The following SERGEF variants were observed in gnomAD, a reference collection of about 807,000 sequenced individuals.
SERGEF encodes secretion-regulating guanine nucleotide exchange factor.
SERGEF carries 51 observed loss-of-function variants against 50.0 expected under a neutral mutation model. The ratio of observed to expected loss-of-function variants is 1.02; its 90% CI spans 0.81 to 1.29. The LOEUF (loss-of-function observed/expected upper bound fraction) is 1.29, where lower values mean the gene tolerates loss of function less well. Among genes scored for constraint, SERGEF ranks in the 50% most tolerant of loss-of-function variants. The probability of loss-of-function intolerance (pLI) is 0.00; values close to 1 mark genes in which losing one functional copy is unlikely to be tolerated. For synonymous variants in SERGEF, 205 were observed against 212.4 expected, an observed-to-expected ratio of 0.97 and a Z score of 0.30; for missense variants, 521 against 557.0, an observed-to-expected ratio of 0.94 and a Z score of 0.65.
At chr11:17,802,597 G>A (rs902219525) in intron 10 of SERGEF, among the ~76,000 whole-genome samples, 2 of 152,128 alleles carry the variant, frequency 1.3e-5, no homozygotes, top group Admixed American at 6.5e-5. Context: ...GCTGCCACTC[G>A]CGTCCTCACC....
At chr11:17,973,024 G>T (rs1320172895) in intron 8 of SERGEF, among the ~76,000 whole-genome samples, 1 of 151,856 alleles carries the variant, frequency 6.6e-6, no homozygotes, top group Non-Finnish European at 1.5e-5. Flanking sequence ...AAAGAAAAAA[G>T]GCCAAGCACT....
At chr11:17,961,946 T>C (rs528775970) in intron 8 of SERGEF, among the ~76,000 whole-genome samples, 1 of 152,368 alleles carries the variant, frequency 6.6e-6, no homozygotes, top group African/African-American at 2.4e-5. Context: ...TCATTGACGC[T>C]GGCTCAATCC....
In SERGEF at chr11:18,006,682, C is replaced by T. The variant is rs1854081653; in HGVS notation, c.261G>A (p.Glu87=). 1 of 1,614,142 alleles carries T rather than the reference C, an allele frequency of 6.2e-7. No individual in the cohort carries two copies. Residue 87 remains glutamate (E), a synonymous_variant, in exon 3 of 11, where the codon GAG becomes GAA. Coordinates refer to ENST00000265965, the MANE Select transcript of SERGEF (RefSeq NM_012139.4). ...KDGQLGLGHT[E]DIPYFTPCKS... ...TGCAGGGGGTAAAATATGGGATATC[C>T]TCTGTGTGACCAAGCCCCAGTTGCC...
intron 10 of SERGEF, among the ~76,000 whole-genome samples, chr11:17,850,586 C>T (rs544424288): frequency 6.6e-6 from 1 of 152,310 alleles, no homozygotes; most frequent in Non-Finnish European, 1.5e-5. Flanking sequence ...ACAGCTCCTT[C>T]TAGCATCAGA....
At chr11:17,853,632 G>A (rs1304914774) in intron 10 of SERGEF, 1 of 152,116 alleles carries the variant, frequency 6.6e-6, no homozygotes, top group Non-Finnish European at 1.5e-5. Context: ...TCCTATTGAG[G>A]ACTCAACCTT....
chr11:17,967,832 C>A (rs1853157185), intron 8 of SERGEF, among the ~76,000 whole-genome samples: 1 of 152,222 alleles, frequency 6.6e-6, no homozygotes, highest in African/African-American at 2.4e-5. Context: ...TGCTCTGCCC[C>A]CAGCTCACAA....
rs530899344 is a variant in SERGEF at position 17,879,604 on chromosome 11, G to A, written c.1012-1360C>T. On this transcript the variant is annotated intron_variant, in intron 9 of 10. Coordinates refer to ENST00000265965, the MANE Select transcript of SERGEF (RefSeq NM_012139.4). ...ATTCCTTATTGAATGAGATCATGTG[G>A]TATTTGTCTGTCTGTGCTTGACTTA... Among the ~76,000 whole-genome samples, 7 of 152,216 alleles carry A rather than the reference G, an allele frequency of 4.6e-5. No homozygotes were observed. In the South Asian group the frequency reaches 1.5e-3, roughly 32 times the overall value.
chr11:17,985,143 G>A (rs1853567592), intron 8 of SERGEF, among the ~76,000 whole-genome samples: 1 of 152,102 alleles, frequency 6.6e-6, no homozygotes, highest in Admixed American at 6.5e-5. Flanking sequence ...GAGCTTTCAG[G>A]CTAGTAGTCT....
chr11:17,917,381 A>G (rs1852068722), intron 9 of SERGEF, among the ~76,000 whole-genome samples: 1 of 152,220 alleles, frequency 6.6e-6, no homozygotes, highest in African/African-American at 2.4e-5. Flanking sequence ...ATGCAAAGGC[A>G]TAAGAATGAC....
At chr11:17,904,254 G>A (rs1851799426) in intron 9 of SERGEF, among the ~76,000 whole-genome samples, 1 of 152,232 alleles carries the variant, frequency 6.6e-6, no homozygotes, top group South Asian at 2.1e-4. Flanking sequence ...CAGAAGTGAA[G>A]TCCTCAAGGA....
Position 17,788,279 on chromosome 11 carries a change from G to A in SERGEF, c.1183C>T (p.His395Tyr). 2 of 1,614,180 alleles carry A rather than the reference G, an allele frequency of 1.2e-6. No homozygotes were observed. The highest frequency in any genetic ancestry group is 1.7e-6 in the Non-Finnish European group (2 of 1,180,032). The part of the protein sequence containing the change: ...SGLLVGCGAG[H>Y]SLALCQLPAH... ...GGCAGCTGGCAGAGGGCCAAGGAGT[G>A]GCCAGCCCCACAGCCCACAAGGAGT... The change falls in exon 11 of 11, where the codon CAC becomes TAC. Residue 395 changes from histidine to tyrosine, a missense_variant. By Grantham distance (83) the His-to-Tyr change is moderately conservative. Coordinates refer to ENST00000265965, the MANE Select transcript of SERGEF (RefSeq NM_012139.4).
rs1036433311 is a variant in SERGEF, at chr11:17,884,798, G to T, written c.1012-6554C>A. 1.3e-5 allele frequency among the ~76,000 whole-genome samples: 2 copies of T among 152,278 alleles called. No individual in the cohort carries two copies. The highest frequency in any genetic ancestry group is 6.8e-3 in the Middle Eastern group (2 of 294). ...TGTGAAAAAAATGAGCTTGAACTAG[G>T]TTCTGCTATCTTCCAGAGAAGTTGG... On this transcript the variant is annotated intron_variant, in intron 9 of 10. Transcript: ENST00000265965. The surrounding 1 kb of genome is among the most constrained non-coding windows in gnomAD (Gnocchi z 4.6).
chr11:17,968,100 G>A (rs1425695869), intron 8 of SERGEF, among the ~76,000 whole-genome samples: 1 of 152,168 alleles, frequency 6.6e-6, no homozygotes, highest in Admixed American at 6.6e-5. Flanking sequence ...CCACTGAAGG[G>A]TGAAGAACAA....
intron 10 of SERGEF, among the ~76,000 whole-genome samples, chr11:17,857,934 T>C (rs1590160107): frequency 6.6e-6 from 1 of 151,540 alleles, no homozygotes; most frequent in East Asian, 1.9e-4. Flanking sequence ...AAAAGAGGAA[T>C]AGAAGAAGAA....
chr11:17,813,396 A>C (rs1380704355), intron 10 of SERGEF, among the ~76,000 whole-genome samples: 2 of 152,212 alleles, frequency 1.3e-5, no homozygotes, highest in Non-Finnish European at 2.9e-5. Flanking sequence ...CCAGTCTTCT[A>C]ATTCTTGGTC....
chr11:17,977,013 T>C (rs1853391205), intron 8 of SERGEF, among the ~76,000 whole-genome samples: 3 of 152,148 alleles, frequency 2.0e-5, no homozygotes, highest in African/African-American at 7.2e-5. Context: ...TCCAAGAAGG[T>C]AGGAAGAGGG....
intron 9 of SERGEF, among the ~76,000 whole-genome samples, chr11:17,954,371 CTGGAAACTTCCAGGTTCATTAA>C (rs1363620102): frequency 6.6e-6 from 1 of 152,162 alleles, no homozygotes; most frequent in Non-Finnish European, 1.5e-5. Flanking sequence ...CAAAGACGCC[CTGGAAACTTCCAGGTTCATTAA>C]TGGGTTTTAC....
At chr11:17,801,670 G>T (rs1458782204) in intron 10 of SERGEF, among the ~76,000 whole-genome samples, 1 of 152,152 alleles carries the variant, frequency 6.6e-6, no homozygotes, top group Admixed American at 6.5e-5. Context: ...AGATGTAAGT[G>T]CCTATTAGAC....
intron 5 of SERGEF, among the ~76,000 whole-genome samples, chr11:17,997,241 T>C (rs1275807954): frequency 1.3e-5 from 2 of 152,150 alleles, no homozygotes; most frequent in Non-Finnish European, 2.9e-5. Context: ...AGGATTTGAA[T>C]AGACATTTCT....
Sources: gnomAD v4.1 joint callset for allele counts (sites outside exome capture counted in the v4.1 genomes callset) on GRCh38, gnomAD v4.1.1 for gene constraint, Gnocchi (gnomAD v3.1) non-coding constraint, MANE v1.5 for transcripts, NCBI Gene and HGNC (gene_info 2026-07-23, HGNC 2026-07-21) for gene names.